The following ZNF185 variants were observed in gnomAD, a reference collection of about 807,000 sequenced individuals.
ZNF185 encodes zinc finger protein 185 with LIM domain, also known as zinc finger protein 185.
ZNF185 carries 56 observed loss-of-function variants against 58.6 expected under a neutral mutation model. The ratio of observed to expected loss-of-function variants is 0.95; its 90% CI spans 0.77 to 1.19. The LOEUF is 1.19. Ranked by LOEUF, ZNF185 falls within the 50% of genes most tolerant of loss-of-function variation. ZNF185 has a pLI of 0.00. For missense variants in ZNF185, 627 were observed against 573.5 expected (o/e 1.09, Z -0.95); for synonymous variants, 230 against 215.9 (o/e 1.07, Z -0.57).
At chrX:152,905,715 G>C in the ZNF185 span, among the ~76,000 whole-genome samples, 3 of 106,238 alleles carry the variant, frequency 2.8e-5, no homozygotes, top group Admixed American at 2.9e-4. Context: ...GACAGGCTTG[G>C]GGGGGGGGCG....
At chrX:152,926,551 T>C (rs1353919354) in intron 11 of ZNF185, among the ~76,000 whole-genome samples, 1 of 112,842 alleles carries the variant, frequency 8.9e-6, no homozygotes, top group African/African-American at 3.2e-5. Flanking sequence ...CCACAGTTGG[T>C]CGCATTCCCA....
At chrX:152,936,676 C>G (rs1556882122) in intron 14 of ZNF185, among the ~76,000 whole-genome samples, 163 bp downstream of exon 16, 2 of 110,907 alleles carry the variant, frequency 1.8e-5, no homozygotes, top group African/African-American at 6.6e-5. Flanking sequence ...AGGGGGAGCT[C>G]TGACCAGGGG....
At chrX:152,939,288 G>A (rs931561865) in intron 15 of ZNF185, among the ~76,000 whole-genome samples, 1 of 111,767 alleles carries the variant, frequency 8.9e-6, no homozygotes, top group African/African-American at 3.3e-5. Context: ...GAATTGCACT[G>A]ACAATTAACA....
intron 16 of ZNF185, among the ~76,000 whole-genome samples, chrX:152,958,557 A>G (rs1229726659): frequency 9.1e-6 from 1 of 110,491 alleles, no homozygotes; most frequent in Non-Finnish European, 1.9e-5. Context: ...GGAGTTCACA[A>G]CCAGCCTGGC....
intron 15 of ZNF185, among the ~76,000 whole-genome samples, chrX:152,939,051 C>T (rs2046812074): frequency 9.0e-6 from 1 of 111,491 alleles, no homozygotes; most frequent in Non-Finnish European, 1.9e-5. Flanking sequence ...TGAGGAGGGC[C>T]ACAGATGGAG....
At chrX:152,945,546 C>T (rs2047699704) in intron 16 of ZNF185, 82 bp downstream of exon 18, 2 of 1,044,265 alleles carry the variant, frequency 1.9e-6, no homozygotes, top group East Asian at 6.6e-5. Context: ...AACCACTTCC[C>T]CACACCCTGT....
At chrX:152,943,349 G>A (rs187810216) in intron 15 of ZNF185, among the ~76,000 whole-genome samples, 62 of 110,258 alleles carry the variant, frequency 5.6e-4, no homozygotes, top group African/African-American at 1.9e-3. Context: ...GTTGTGTTAG[G>A]AGTTGACAGT....
At chrX:152,936,068 T>C (rs1413326114) in intron 14 of ZNF185, among the ~76,000 whole-genome samples, 1 of 112,446 alleles carries the variant, frequency 8.9e-6, no homozygotes, top group Non-Finnish European at 1.9e-5. Flanking sequence ...GTACTTGGCA[T>C]CTATGAACTC....
intron 19 of ZNF185, 52 bp downstream of exon 21, chrX:152,965,579 A>G (rs782111281): frequency 9.7e-6 from 10 of 1,027,530 alleles, no homozygotes; most frequent in African/African-American, 9.4e-5. Flanking sequence ...GCCGGCTCCC[A>G]TATTCTCATC....
At chrX:152,920,621 G>A in intron 8 of ZNF185, 86 bp from the exon 10 acceptor site, 1 of 1,142,326 alleles carries the variant, frequency 8.8e-7, no homozygotes, top group Admixed American at 2.2e-5. Flanking sequence ...AATGGAGAGG[G>A]CCCAGGACCC....
intron 15 of ZNF185, among the ~76,000 whole-genome samples, chrX:152,944,779 G>A (rs143764382): frequency 0.011 from 1,193 of 111,529 alleles, 14 homozygotes; most frequent in African/African-American, 0.037. Context: ...CAGGAGGATC[G>A]CTTGAGACCA....
At chrX:152,971,418 T>G (rs2050657229) in exon 23 of ZNF185, 1 of 112,038 alleles carries the variant, frequency 8.9e-6, no homozygotes. Flanking sequence ...CTTCTCAAGT[T>G]GAAGTTGCAT....
exon 23 of ZNF185, chrX:152,973,040 C>T (rs1295544430): frequency 1.8e-5 from 2 of 111,797 alleles, no homozygotes; most frequent in African/African-American, 6.5e-5. Flanking sequence ...ATACCAACTG[C>T]TCTTCCTCAG....
intron 16 of ZNF185, among the ~76,000 whole-genome samples, chrX:152,951,765 A>G (rs1226700293): frequency 1.1e-4 from 12 of 111,890 alleles, no homozygotes; most frequent in Admixed American, 1.9e-4. Context: ...CCATTTTGCA[A>G]TGTGGACAAA....
exon 6 of ZNF185, chrX:152,918,071 C>A: frequency 8.4e-7 from 1 of 1,186,987 alleles, no homozygotes; most frequent in East Asian, 3.1e-5. Context: ...CTAGTGCTGC[C>A]AGTCTGGTGA....
rs1232547543 is a variant in ZNF185 at position 152,936,615 on chromosome X, C to G, written c.1122-1459C>G. 5 of 680,513 alleles carry G rather than the reference C, an allele frequency of 7.3e-6. No homozygotes were observed. The East Asian group carries it at 1.8e-4, about 25-fold the overall frequency. 56.1% of individuals were successfully genotyped at this position (680,513 alleles called of 1,213,427 possible). ...ACCCCAGGATCCCCCTCGAACTTCTCAGCTCCATGCCACTTTCACATCAGG... is the reference window on the plus strand; with the variant it reads ...ACCCCAGGATCCCCCTCGAACTTCTGAGCTCCATGCCACTTTCACATCAGG... On this transcript the variant is annotated intron_variant, in intron 14 of 22. Coordinates refer to ENST00000449285, the Ensembl canonical transcript of ZNF185.
chrX:152,937,540 T>C (rs2046455119), intron 14 of ZNF185, among the ~76,000 whole-genome samples: 1 of 111,452 alleles, frequency 9.0e-6, no homozygotes, highest in Non-Finnish European at 1.9e-5. Flanking sequence ...TTTCTCTAGG[T>C]TCCCGTGCAC....
chrX:152,929,058 G>A (rs782739041), intron 12 of ZNF185, among the ~76,000 whole-genome samples: 133 of 111,831 alleles, frequency 1.2e-3, no homozygotes, highest in Non-Finnish European at 2.1e-3. Context: ...CCAGTCAGCC[G>A]TGCTGGGGAT....
intron 3 of ZNF185, 73 bp downstream of exon 4, chrX:152,915,276 C>A: frequency 9.2e-7 from 1 of 1,083,466 alleles, no homozygotes; most frequent in Non-Finnish European, 1.3e-6. Flanking sequence ...CAGCCCTCAA[C>A]AGGGAGGGGT....
Sources: allele counts gnomAD v4.1 joint callset (sites outside exome capture counted in the v4.1 genomes callset), GRCh38; gene constraint gnomAD v4.1.1; transcripts MANE v1.5; gene names NCBI Gene and HGNC (gene_info 2026-07-23, HGNC 2026-07-21).